The following C18orf54 variants were observed in gnomAD, a reference collection of about 807,000 sequenced individuals.
C18orf54 encodes lung adenoma susceptibility protein 2.
Under a neutral mutation model 49.3 loss-of-function variants are expected in C18orf54, and 49 were observed. That is an observed-to-expected ratio of 0.99 (90% CI 0.79 to 1.26). The LOEUF (loss-of-function observed/expected upper bound fraction) is 1.26. Among genes scored for constraint, C18orf54 ranks in the 50% most tolerant of loss-of-function variants. The probability of loss-of-function intolerance (pLI) is 0.00; values close to 1 mark genes in which losing one functional copy is unlikely to be tolerated. For missense variants in C18orf54, 687 were observed against 620.6 expected (o/e 1.11, Z -1.14); for synonymous variants, 211 against 216.6 (o/e 0.97, Z 0.23).
chr18:54,374,143 T>C, intron 7 of C18orf54, 71 bp from the exon 8 acceptor site: 2 of 1,199,580 alleles, frequency 1.7e-6, no homozygotes, highest in Non-Finnish European at 1.1e-6. Flanking sequence ...TTTAATCACA[T>C]TTTCAATACC....
At chr18:54,365,392 G>A (rs562635516) in intron 5 of C18orf54, among the ~76,000 whole-genome samples, 27 of 151,972 alleles carry the variant, frequency 1.8e-4, no homozygotes, top group Non-Finnish European at 3.4e-4. Context: ...TTGGAAAAAT[G>A]TACTGTTTAT....
intron 3 of C18orf54, among the ~76,000 whole-genome samples, chr18:54,361,326 G>A (rs1475947899): frequency 3.3e-5 from 5 of 152,080 alleles, no homozygotes; most frequent in Non-Finnish European, 5.9e-5. Context: ...AACCAATATT[G>A]AGTGACCAAT....
intron 8 of C18orf54, among the ~76,000 whole-genome samples, chr18:54,375,360 G>T (rs981267603): frequency 2.0e-5 from 3 of 151,224 alleles, no homozygotes; most frequent in African/African-American, 7.3e-5. Flanking sequence ...GCGGGATTCA[G>T]ATCAGGTAGT....
intron 5 of C18orf54, among the ~76,000 whole-genome samples, chr18:54,364,262 G>A (rs1173414002): frequency 6.6e-6 from 1 of 151,804 alleles, no homozygotes; most frequent in African/African-American, 2.4e-5. Context: ...AAGTATCATA[G>A]CTGCAATACT....
chr18:54,367,837 A>G (rs1193786848), intron 6 of C18orf54, among the ~76,000 whole-genome samples: 3 of 151,970 alleles, frequency 2.0e-5, no homozygotes, highest in Admixed American at 6.6e-5. Flanking sequence ...CATGATAATA[A>G]CATTTGTTCA....
In C18orf54 at chr18:54,379,699, C is replaced by CT. The variant is rs2089634683; in HGVS notation, c.*1454dup. On this transcript the variant is annotated 3_prime_UTR_variant, in exon 9 of 9. Transcript: ENST00000620105. ...TACTTTGAAATTAAAGTATGCCTGG[C>CT]TATTAAAAATGCAGATTTTAGGTGG... 6.6e-6 allele frequency: 1 copy of CT among 151,638 alleles called. No homozygotes were observed. Among genetic ancestry groups the CT allele is most frequent in the African/African-American group, 2.4e-5 (1 of 41,276 alleles). The allele number at this position is 151,638 out of a possible 1,614,324, so 9.4% of individuals were successfully genotyped here.
At chr18:54,372,089 T>A (rs1034775335) in intron 6 of C18orf54, among the ~76,000 whole-genome samples, 5 of 152,040 alleles carry the variant, frequency 3.3e-5, no homozygotes, top group South Asian at 2.1e-4. Flanking sequence ...TATTTGAAAT[T>A]TTAGTCCTTG....
intron 8 of C18orf54, among the ~76,000 whole-genome samples, chr18:54,376,714 G>T (rs998055049): frequency 6.6e-6 from 1 of 152,152 alleles, no homozygotes; most frequent in South Asian, 2.1e-4. Context: ...AATGAAGGTG[G>T]GAATCTCAGA....
rs2089286261 is a variant in C18orf54, at chr18:54,362,233, CAT to C, written c.876_877del (p.His292GlnfsTer13). 4 of 1,536,398 alleles carry C rather than the reference CAT, an allele frequency of 2.6e-6. No individual in the cohort carries two copies. Among genetic ancestry groups the C allele is most frequent in the Middle Eastern group, 1.7e-4 (1 of 5,994 alleles). On this transcript the variant is annotated frameshift_variant, in exon 4 of 9. Transcript: ENST00000620105. LOFTEE classifies it high-confidence loss of function. ...IFKDDQCSPR[H>X]SHQAQGTSRL... is the part of the protein sequence containing the mutation. ...TAAAGATGATCAGTGTTCCCCTAGA[CAT>C]AGTCATCAGGCACAAGGAACTTCTC...
At chr18:54,369,532 C>T (rs1045464934) in intron 6 of C18orf54, among the ~76,000 whole-genome samples, 8 of 126,826 alleles carry the variant, frequency 6.3e-5, no homozygotes, top group Non-Finnish European at 1.1e-4. Context: ...CGCAGTGGCA[C>T]AATCTCTACT....
In C18orf54 at chr18:54,369,452, TTATTTG is replaced by T. The variant is rs2089445030; in HGVS notation, c.1327-3010_1327-3005del. 2.0e-5 allele frequency among the ~76,000 whole-genome samples: 3 copies of T among 149,236 alleles called. No homozygotes were observed. In the South Asian group the frequency reaches 6.3e-4, roughly 31 times the overall value. ...TAACAAATGTACTAACTAGATTACA[TTATTTG>T]TATATTGCTTTTTTTTTTTTTTTTT... On this transcript the variant is annotated intron_variant, in intron 6 of 8. Transcript: ENST00000620105.
At position 54,360,832 on chromosome 18, in the gene C18orf54, A is replaced by G. The variant is rs1160851830; in HGVS notation, c.260A>G (p.Asn87Ser). Residue 87 changes from asparagine (N) to serine (S), a missense_variant, in exon 3 of 9, where the codon AAC (asparagine) becomes AGC (serine). Coordinates refer to ENST00000620105, the MANE Select transcript of C18orf54 (RefSeq NM_001288980.2). ...TTTACTAATATGTCACAGTTCTGCA[A>G]CTATATTTACAAACCAAACAATGGT... is the stretch of plus-strand genomic sequence containing the variant. The part of the protein sequence containing the change: ...EDFTNMSQFC[N>S]YIYKPNNAFE... 1.2e-6 allele frequency: 2 copies of G among 1,612,160 alleles called. No homozygotes were observed. The highest frequency in any genetic ancestry group is 1.7e-6 in the Non-Finnish European group (2 of 1,179,014).
chr18:54,362,688 A>G, intron 4 of C18orf54, 83 bp from the exon 5 acceptor site: 2 of 1,235,356 alleles, frequency 1.6e-6, no homozygotes, highest in Non-Finnish European at 2.2e-6. Flanking sequence ...AAATGATCAG[A>G]ACTCTTGTTG....
intron 6 of C18orf54, among the ~76,000 whole-genome samples, chr18:54,366,094 C>T (rs2089377712): frequency 6.6e-6 from 1 of 151,718 alleles, no homozygotes; most frequent in Non-Finnish European, 1.5e-5. Flanking sequence ...GATTTGCATA[C>T]CATCATCTCA....
intron 6 of C18orf54, among the ~76,000 whole-genome samples, chr18:54,371,648 A>C (rs1005809927): frequency 6.6e-6 from 1 of 152,110 alleles, no homozygotes; most frequent in Non-Finnish European, 1.5e-5. Flanking sequence ...AAGTGTCTTT[A>C]AAATCTTTTT....
In C18orf54 at chr18:54,371,688, G is replaced by A. The variant is rs113073192; in HGVS notation, c.1327-778G>A. On this transcript the variant is annotated intron_variant, in intron 6 of 8. Coordinates refer to ENST00000620105, the MANE Select transcript of C18orf54 (RefSeq NM_001288980.2). ...ATACTGCTTACCTTGAGTATATTAT[G>A]CTAATCAACAACTTTCTATAGAATT... is the stretch of plus-strand genomic sequence containing the variant. 3.6e-3 allele frequency among the ~76,000 whole-genome samples: 548 copies of A among 152,128 alleles called. 6 individuals carry two copies. Among genetic ancestry groups the A allele is most frequent in the African/African-American group, 0.012 (496 of 41,518 alleles).
chr18:54,377,025 TAA>T (rs55924112), intron 8 of C18orf54, among the ~76,000 whole-genome samples: 4 of 151,374 alleles, frequency 2.6e-5, no homozygotes, highest in South Asian at 2.1e-4. Flanking sequence ...GTTTTTTTTT[TAA>T]ATTTAATTTT....
intron 6 of C18orf54, among the ~76,000 whole-genome samples, chr18:54,369,801 T>C (rs2089452804): frequency 6.6e-6 from 1 of 152,150 alleles, no homozygotes. Context: ...AGCCTTATAA[T>C]ATCATAACAA....
intron 8 of C18orf54, 115 bp from the exon 9 acceptor site, chr18:54,378,059 C>A: frequency 1.8e-6 from 1 of 561,890 alleles, no homozygotes; most frequent in East Asian, 3.2e-5. Flanking sequence ...TATAAATTTA[C>A]TTCTCATACC....
Sources: allele counts gnomAD v4.1 joint callset (sites outside exome capture counted in the v4.1 genomes callset), GRCh38; gene constraint gnomAD v4.1.1; transcripts MANE v1.5; gene names NCBI Gene and HGNC (gene_info 2026-07-23, HGNC 2026-07-21).